Variants in UBE3C observed in about 807,000 individuals in gnomAD.
The protein encoded by UBE3C is ubiquitin protein ligase E3C, also known as ubiquitin-protein ligase E3C.
A neutral mutation model predicts 129.4 loss-of-function variants in UBE3C; 42 were observed. That is an observed-to-expected ratio of 0.32 (90% CI 0.25 to 0.42). UBE3C has a LOEUF of 0.42. UBE3C is among the 10% of genes least tolerant of loss of function. The pLI, the probability that UBE3C is intolerant of heterozygous loss-of-function variation, is 1.00. For synonymous variants in UBE3C, 510 were observed against 492.4 expected (o/e 1.04, Z -0.47); for missense variants, 1,049 against 1,319.1 (o/e 0.80, Z 3.17).
chr7:157,179,291 A>G (rs1381243957), intron 6 of UBE3C, among the ~76,000 whole-genome samples: 1 of 152,060 alleles, frequency 6.6e-6, no homozygotes, highest in African/African-American at 2.4e-5. Flanking sequence ...AAATTTTGTT[A>G]AATGATTTTT....
chr7:157,163,594 A>G (rs1167179341), intron 1 of UBE3C, among the ~76,000 whole-genome samples: 2 of 152,282 alleles, frequency 1.3e-5, no homozygotes, highest in African/African-American at 4.8e-5. Flanking sequence ...TTATGCTTAA[A>G]AAACTACTGA....
chr7:157,171,686 ATTTTTTTTTT>A (rs77471740), intron 4 of UBE3C, among the ~76,000 whole-genome samples: 11 of 37,612 alleles, frequency 2.9e-4, no homozygotes, highest in African/African-American at 4.3e-4. Context: ...ATATATATAT[ATTTTTTTTTT>A]TTTTTTTTTT....
At chr7:157,159,922 G>A (rs1283779935) in intron 1 of UBE3C, among the ~76,000 whole-genome samples, 1 of 152,164 alleles carries the variant, frequency 6.6e-6, no homozygotes, top group African/African-American at 2.4e-5. Context: ...GTCTAATAGA[G>A]CCTAATCTTC....
intron 22 of UBE3C, chr7:157,263,214 C>T (rs1249532590): frequency 2.0e-5 from 3 of 152,500 alleles, no homozygotes; most frequent in Non-Finnish European, 2.9e-5. Context: ...CGCTATGCTT[C>T]GTGTCCTAAC....
At position 157,183,898 on chromosome 7, in the gene UBE3C, C is replaced by G. The variant is rs965266443; in HGVS notation, c.1012C>G (p.Leu338Val). 6.2e-7 allele frequency: 1 copy of G among 1,614,080 alleles called. No homozygotes were observed. The highest frequency in any genetic ancestry group is 8.5e-7 in the Non-Finnish European group (1 of 1,179,974). ...NYLGALSEEGLLVYLRVLQTF... is the reference protein window; with the variant it reads ...NYLGALSEEGVLVYLRVLQTF... ...CAAAGGGGCCCTCTCTGAGGAAGGG[C>G]TGCTGGTGTATTTGCGGGTGCTGCA... The change falls in exon 9 of 23, where the codon CTG becomes GTG. Residue 338 changes from leucine to valine, a missense_variant. Transcript: ENST00000348165.
intron 5 of UBE3C, among the ~76,000 whole-genome samples, chr7:157,177,424 C>T (rs1808548459): frequency 6.6e-6 from 1 of 152,216 alleles, no homozygotes; most frequent in South Asian, 2.1e-4. Context: ...TGTTGTCTCT[C>T]ACACGAGGCA....
intron 1 of UBE3C, among the ~76,000 whole-genome samples, chr7:157,146,992 CCTT>C (rs1168107805): frequency 2.6e-5 from 4 of 152,076 alleles, no homozygotes; most frequent in East Asian, 1.9e-4. Context: ...CCTTCGACTT[CCTT>C]CTTCTTTAGT....
In UBE3C at chr7:157,171,680, ATATATATTTTTTTTTTTTTTTTTT is replaced by A. The variant is rs1203372837; in HGVS notation, c.342+1232_342+1255del. On this transcript the variant is annotated intron_variant, in intron 4 of 22. Transcript: ENST00000348165. Reference sequence around the variant, plus strand: ...ATATTTTATATATATATATATATATATATATATTTTTTTTTTTTTTTTTTTTTTTTTTTTTTTTTTTTTTGAGAC... The same window carrying A: ...ATATTTTATATATATATATATATATATTTTTTTTTTTTTTTTTTTTGAGAC... Among the ~76,000 whole-genome samples, 64 of 32,822 alleles carry A rather than the reference ATATATATTTTTTTTTTTTTTTTTT, an allele frequency of 1.9e-3. 1 individual carries two copies. The highest frequency in any genetic ancestry group is 6.1e-3 in the African/African-American group (61 of 10,026). The allele number at this position is 32,822 out of a possible 152,430, so 21.5% of individuals were successfully genotyped here.
Position 157,169,100 on chromosome 7 carries a change from G to C in UBE3C, c.173G>C (p.Gly58Ala), listed in dbSNP as rs776630297. 1.2e-6 allele frequency: 2 copies of C among 1,613,506 alleles called. No individual in the cohort carries two copies. The highest frequency in any genetic ancestry group is 2.7e-5 in the African/African-American group (2 of 74,884). Reference sequence around the variant, plus strand: ...ATAATTATCCAGTCATTTATTCGAGGCTATAGAGACAGAAAACAGCAAGTA... The same window carrying C: ...ATAATTATCCAGTCATTTATTCGAGCCTATAGAGACAGAAAACAGCAAGTA... ...NAIIIQSFIR[G>A]YRDRKQQYSI... The change falls in exon 3 of 23, where the codon GGC becomes GCC. Residue 58 changes from glycine to alanine, a missense_variant. Around this residue, in one of 4 missense-constraint regions of UBE3C, gnomAD observed 489 missense variants for 513.8 expected, o/e 0.95. Coordinates refer to ENST00000348165, the MANE Select transcript of UBE3C (RefSeq NM_014671.3).
At chr7:157,191,398 C>T (rs1349199506) in intron 10 of UBE3C, among the ~76,000 whole-genome samples, 1 of 152,210 alleles carries the variant, frequency 6.6e-6, no homozygotes, top group Admixed American at 6.5e-5. Flanking sequence ...TCAGGTGATC[C>T]TCCTACCTCA....
chr7:157,248,442 C>T lies in UBE3C; in HGVS notation c.2556C>T (p.Ala852=), dbSNP rs374160304. ...TTTCCAAGTTGCTTGGAACCAGTGC[C>T]GACGTGGACATTCACCACCTCGCCT... ...FFLSKLLGTS[A]DVDIHHLASL... is the part of the protein sequence containing the mutation. Residue 852 remains alanine (A), a synonymous_variant, in exon 19 of 23, where the codon GCC becomes GCT. Coordinates refer to ENST00000348165, the MANE Select transcript of UBE3C (RefSeq NM_014671.3). 1.2e-5 allele frequency: 20 copies of T among 1,613,512 alleles called. No homozygotes were observed. In the African/African-American group the frequency reaches 1.6e-4, roughly 13 times the overall value.
chr7:157,190,311 T>TTAAGAGCCTCC (rs149432296), intron 10 of UBE3C, among the ~76,000 whole-genome samples: 2,833 of 152,182 alleles, frequency 0.019, 85 homozygotes, highest in African/African-American at 0.065. Flanking sequence ...TCTCTCCCTC[T>TTAAGAGCCTCC]TAAGAGCCTC....
rs575498641 is a variant in UBE3C at position 157,234,122 on chromosome 7, A to G, written c.2481+2795A>G. ...ATTGTCAGATAAATGATTTGCAAGTATTTTCTTCTCTGGATTGTCTCTTCA... is the reference window on the plus strand; with the variant it reads ...ATTGTCAGATAAATGATTTGCAAGTGTTTTCTTCTCTGGATTGTCTCTTCA... On this transcript the variant is annotated intron_variant, in intron 18 of 22. Coordinates refer to ENST00000348165, the MANE Select transcript of UBE3C (RefSeq NM_014671.3). Among the ~76,000 whole-genome samples, 27 of 13,394 alleles carry G rather than the reference A, an allele frequency of 2.0e-3. 1 individual carries two copies. In the South Asian group the frequency reaches 0.088, roughly 43 times the overall value. The allele number at this position is 13,394 out of a possible 152,430, so 8.8% of individuals were successfully genotyped here.
chr7:157,159,560 A>G lies in UBE3C; in HGVS notation c.67-4250A>G, dbSNP rs1246166083. Among the ~76,000 whole-genome samples, 4 of 152,240 alleles carry G rather than the reference A, an allele frequency of 2.6e-5. No homozygotes were observed. In the East Asian group the frequency reaches 5.8e-4, roughly 22 times the overall value. Reference sequence around the variant, plus strand: ...TTCCTTTTCAGAATCCAGTTGTATCAGAGAACGTGATTAAATACCATTTGC... The same window carrying G: ...TTCCTTTTCAGAATCCAGTTGTATCGGAGAACGTGATTAAATACCATTTGC... On this transcript the variant is annotated intron_variant, in intron 1 of 22. Coordinates refer to ENST00000348165, the MANE Select transcript of UBE3C (RefSeq NM_014671.3).
intron 15 of UBE3C, chr7:157,221,951 C>G (rs1563062539): frequency 6.6e-6 from 1 of 152,140 alleles, no homozygotes; most frequent in Non-Finnish European, 1.5e-5. Flanking sequence ...CTCACTGCAG[C>G]CTTGACTTCC....
At chr7:157,203,400 G>A (rs1275711450) in intron 11 of UBE3C, among the ~76,000 whole-genome samples, 10 of 152,036 alleles carry the variant, frequency 6.6e-5, no homozygotes, top group Admixed American at 6.6e-4. Flanking sequence ...AGTATGTTTT[G>A]TTGTGTTTTT....
intron 22 of UBE3C, among the ~76,000 whole-genome samples, chr7:157,260,726 T>C (rs558823068): frequency 6.6e-6 from 1 of 152,350 alleles, no homozygotes; most frequent in African/African-American, 2.4e-5. Flanking sequence ...TTGGAGGACC[T>C]GCTCCCATCA....
intron 19 of UBE3C, among the ~76,000 whole-genome samples, chr7:157,253,033 GT>G (rs954815255): frequency 2.0e-5 from 3 of 151,922 alleles, no homozygotes; most frequent in African/African-American, 7.3e-5. Flanking sequence ...TACCCGGCCT[GT>G]TTTTTTGGTT....
chr7:157,179,243 A>G (rs1474021769), intron 6 of UBE3C, among the ~76,000 whole-genome samples: 1 of 152,038 alleles, frequency 6.6e-6, no homozygotes. Context: ...CCACCAATGT[A>G]TGAGTTGAAC....
Sources: allele counts gnomAD v4.1 joint callset (sites outside exome capture counted in the v4.1 genomes callset), GRCh38; gene constraint gnomAD v4.1.1; regional missense constraint gnomAD v4.1.1; transcripts MANE v1.5; gene names NCBI Gene and HGNC (gene_info 2026-07-23, HGNC 2026-07-21).